The following TINAG variants were observed in gnomAD, a reference collection of about 807,000 sequenced individuals.
TINAG encodes tubulointerstitial nephritis antigen.
A neutral mutation model predicts 72.7 loss-of-function variants in TINAG; 83 were observed. That is an observed-to-expected ratio of 1.14 (90% CI 0.96 to 1.37). TINAG has a LOEUF of 1.37. TINAG is among the 40% of genes most tolerant of loss of function. TINAG has a pLI of 0.00. For synonymous variants in TINAG, 234 were observed against 189.9 expected (o/e 1.23, Z -1.91); for missense variants, 685 against 576.6 (o/e 1.19, Z -1.93).
intron 3 of TINAG, among the ~76,000 whole-genome samples, chr6:54,321,620 C>T (rs187431551): frequency 2.0e-5 from 3 of 152,202 alleles, no homozygotes; most frequent in Admixed American, 1.3e-4. Context: ...AGAGCAATGT[C>T]GTGGTGTAGG....
intron 1 of TINAG, among the ~76,000 whole-genome samples, chr6:54,314,257 G>T (rs1331677416): frequency 6.6e-6 from 1 of 152,094 alleles, no homozygotes; most frequent in African/African-American, 2.4e-5. Flanking sequence ...CATTAGCCAC[G>T]AGGCTCCATG....
At chr6:54,318,624 T>C (rs1419664820) in intron 1 of TINAG, among the ~76,000 whole-genome samples, 1 of 152,112 alleles carries the variant, frequency 6.6e-6, no homozygotes, top group Non-Finnish European at 1.5e-5. Context: ...TAGGTTACAG[T>C]AAGAAGTTTG....
chr6:54,369,383 C>G (rs1763536012), intron 9 of TINAG, among the ~76,000 whole-genome samples: 1 of 151,826 alleles, frequency 6.6e-6, no homozygotes, highest in Non-Finnish European at 1.5e-5. Flanking sequence ...AATCCAAAAG[C>G]TTTGTTTCAT....
chr6:54,308,115 G>T (rs1386819378), upstream of TINAG: 5 of 1,549,524 alleles, frequency 3.2e-6, no homozygotes, highest in East Asian at 1.2e-4. Context: ...ACGAATAATT[G>T]CATTTTTGAC....
chr6:54,360,860 T>G (rs1763211414), intron 9 of TINAG, among the ~76,000 whole-genome samples: 2 of 127,290 alleles, frequency 1.6e-5, no homozygotes, highest in African/African-American at 6.5e-5. Context: ...TTTTTTTTTT[T>G]TTTTTTTTTT....
rs1226322167 is a variant in TINAG at position 54,367,851 on chromosome 6, G to A, written c.1251-12675G>A. ...TGGAAAGTCTAAGATTGTAGTACCAGCATATTTGGTGTTTGATGAAGGGCC... is the reference window on the plus strand; with the variant it reads ...TGGAAAGTCTAAGATTGTAGTACCAACATATTTGGTGTTTGATGAAGGGCC... On this transcript the variant is annotated intron_variant, in intron 9 of 10. Coordinates refer to ENST00000259782, the MANE Select transcript of TINAG (RefSeq NM_014464.4). Among the ~76,000 whole-genome samples, 5 of 151,718 alleles carry A rather than the reference G, an allele frequency of 3.3e-5. No homozygotes were observed. The East Asian group carries it at 9.7e-4, about 29-fold the overall frequency.
Position 54,385,914 on chromosome 6 carries a change from TCTCA to T in TINAG, c.1297-3869_1297-3866del, listed in dbSNP as rs1481064048. On this transcript the variant is annotated intron_variant, in intron 10 of 10. Transcript: ENST00000259782. ...TTTTTTTTTTTTTTTTCAGACGGAG[TCTCA>T]CTCACTCTGTCGTCCAGGCTGGAGT... Among the ~76,000 whole-genome samples, 31 of 117,034 alleles carry T rather than the reference TCTCA, an allele frequency of 2.6e-4. 1 individual carries two copies. The highest frequency in any genetic ancestry group is 4.5e-4 in the Non-Finnish European group (28 of 61,574). The allele number at this position is 117,034 out of a possible 152,430, so 76.8% of individuals were successfully genotyped here.
chr6:54,380,383 G>T, intron 9 of TINAG, 143 bp from the exon 10 acceptor site: 1 of 576,394 alleles, frequency 1.7e-6, no homozygotes. Context: ...TTTCTGTAGG[G>T]CAATGGTGAT....
At chr6:54,311,074 AT>A (rs1292338217) in intron 1 of TINAG, among the ~76,000 whole-genome samples, 8 of 150,830 alleles carry the variant, frequency 5.3e-5, no homozygotes, top group Admixed American at 1.3e-4. Flanking sequence ...CTTTTAAAAC[AT>A]TTTTATATAC....
intron 9 of TINAG, among the ~76,000 whole-genome samples, chr6:54,354,841 C>T (rs960064150): frequency 3.3e-5 from 5 of 151,760 alleles, no homozygotes; most frequent in Non-Finnish European, 7.4e-5. Context: ...TGATCTTTTC[C>T]TACCTCTCAC....
chr6:54,334,210 C>A (rs78565125), intron 4 of TINAG, among the ~76,000 whole-genome samples: 5 of 152,140 alleles, frequency 3.3e-5, no homozygotes, highest in African/African-American at 1.2e-4. Context: ...TATGAATGCC[C>A]GGGGCAGAGT....
chr6:54,308,369 C>T, upstream of TINAG: 1 of 642,832 alleles, frequency 1.6e-6, no homozygotes, highest in Non-Finnish European at 2.6e-6. Flanking sequence ...TTATCTTGGT[C>T]AAACATTGAA....
intron 9 of TINAG, among the ~76,000 whole-genome samples, chr6:54,374,044 A>T (rs914866135): frequency 1.3e-5 from 2 of 152,144 alleles, no homozygotes; most frequent in Non-Finnish European, 2.9e-5. Context: ...GTTCTACAGC[A>T]GGTCATTCTG....
chr6:54,373,422 C>T (rs1219029238), intron 9 of TINAG, among the ~76,000 whole-genome samples: 1 of 152,108 alleles, frequency 6.6e-6, no homozygotes, highest in Non-Finnish European at 1.5e-5. Flanking sequence ...TTCACCACAG[C>T]TAGAAATGAT....
intron 1 of TINAG, among the ~76,000 whole-genome samples, chr6:54,312,789 G>A (rs565214395): frequency 9.9e-5 from 15 of 152,254 alleles, no homozygotes; most frequent in Admixed American, 3.9e-4. Flanking sequence ...ACAATTCTGC[G>A]TGCAAGGTCT....
rs974329530 is a variant in TINAG, at chr6:54,366,781, T to C, written c.1250+12145T>C. 4.6e-5 allele frequency among the ~76,000 whole-genome samples: 7 copies of C among 151,578 alleles called. No individual in the cohort carries two copies. The Admixed American group carries it at 4.6e-4, about 10-fold the overall frequency. On this transcript the variant is annotated intron_variant, in intron 9 of 10. Transcript: ENST00000259782. ...AAAAAATGACACCTACTGTGGAATGTAGTCAGGCAAGTAGAAAGTATTAAG... is the reference window on the plus strand; with the variant it reads ...AAAAAATGACACCTACTGTGGAATGCAGTCAGGCAAGTAGAAAGTATTAAG...
rs1023058157 is a variant in TINAG, at chr6:54,360,464, C to T, written c.1250+5828C>T. On this transcript the variant is annotated intron_variant, in intron 9 of 10. Coordinates refer to ENST00000259782, the MANE Select transcript of TINAG (RefSeq NM_014464.4). ...TCATAAAAGTGTGTTTTACTATCAA[C>T]AAAATATGGTATTTCAGATTTTTAT... Among the ~76,000 whole-genome samples, 3 of 151,618 alleles carry T rather than the reference C, an allele frequency of 2.0e-5. No homozygotes were observed. In the Admixed American group the frequency reaches 2.0e-4, roughly 10 times the overall value.
At chr6:54,367,500 G>T (rs921671330) in intron 9 of TINAG, among the ~76,000 whole-genome samples, 6 of 151,710 alleles carry the variant, frequency 4.0e-5, no homozygotes, top group Non-Finnish European at 5.9e-5. Flanking sequence ...GTTTAGAAAT[G>T]AATGGCATAA....
chr6:54,310,890 T>A (rs1784239380), intron 1 of TINAG, among the ~76,000 whole-genome samples: 1 of 68,172 alleles, frequency 1.5e-5, no homozygotes, highest in Admixed American at 1.2e-4. Flanking sequence ...TCTCTCTCTA[T>A]TTCTCTCCCT....
Sources: gnomAD v4.1 joint callset for allele counts (sites outside exome capture counted in the v4.1 genomes callset) on GRCh38, gnomAD v4.1.1 for gene constraint, MANE v1.5 for transcripts, NCBI Gene and HGNC (gene_info 2026-07-23, HGNC 2026-07-21) for gene names.